Variants in PXDNL observed in about 807,000 individuals in gnomAD.
The protein encoded by PXDNL is peroxidasin like, also known as probable oxidoreductase PXDNL.
A neutral mutation model predicts 150.8 loss-of-function variants in PXDNL; 145 were observed. The observed-to-expected ratio is 0.96, with a 90% CI of 0.84 to 1.10. PXDNL has a LOEUF of 1.10. Ranked by LOEUF, PXDNL falls within the 50% of genes least tolerant of loss-of-function variation. The pLI is 0.00. For synonymous variants in PXDNL, 757 were observed against 725.7 expected, an observed-to-expected ratio of 1.04 and a Z score of -0.69; for missense variants, 2,087 against 1,873.9, an observed-to-expected ratio of 1.11 and a Z score of -2.10.
chr8:51,539,429 T>A (rs1282902847), intron 4 of PXDNL, among the ~76,000 whole-genome samples: 4 of 152,188 alleles, frequency 2.6e-5, no homozygotes, highest in Non-Finnish European at 1.5e-5. Flanking sequence ...TGTTGAAGGT[T>A]TTTCTTATGT....
intron 1 of PXDNL, among the ~76,000 whole-genome samples, chr8:51,658,344 GAAAA>G (rs34771782): frequency 1.1e-5 from 1 of 94,234 alleles, no homozygotes; most frequent in Non-Finnish European, 2.1e-5. Flanking sequence ...CCTGTCTCAA[GAAAA>G]AAAAAAAAAA....
Position 51,435,040 on chromosome 8 carries a change from C to T in PXDNL, c.1526-8282G>A, listed in dbSNP as rs115387768. On this transcript the variant is annotated intron_variant, in intron 12 of 22. Coordinates refer to ENST00000356297, the MANE Select transcript of PXDNL (RefSeq NM_144651.5). The stretch of plus-strand genomic sequence containing the variant: ...AACACACACAAGAGTCTTCATTGGC[C>T]GGATGCGATGGCTCAGGCCTGTAGT... 7.2e-3 allele frequency among the ~76,000 whole-genome samples: 1,092 copies of T among 152,246 alleles called. 17 individuals carry two copies. Among genetic ancestry groups the T allele is most frequent in the African/African-American group, 0.025 (1,048 of 41,556 alleles).
At position 51,411,233 on chromosome 8, in the gene PXDNL, A is replaced by C; in HGVS notation, c.2062+17T>G. 1 of 1,423,990 alleles carries C rather than the reference A, an allele frequency of 7.0e-7. No individual in the cohort carries two copies. The highest frequency in any genetic ancestry group is 9.2e-7 in the Non-Finnish European group (1 of 1,085,826). The allele number at this position is 1,423,990 out of a possible 1,614,324, so 88.2% of individuals were successfully genotyped here. A position where few individuals can be genotyped will look rare whatever the true frequency, so the allele number is the denominator to read the frequency against. ...CTGTGGGCAGTAGGCTGAGAATAAA[A>C]TGGCTTTGTGGCTGACCTTTGCCTT... On this transcript the variant is annotated intron_variant, in intron 16 of 22. Transcript: ENST00000356297.
intron 1 of PXDNL, among the ~76,000 whole-genome samples, chr8:51,655,300 C>T (rs557972644): frequency 1.4e-4 from 21 of 152,316 alleles, no homozygotes; most frequent in Admixed American, 9.2e-4. Context: ...CATTCTCTTT[C>T]ATGAGTCCAC....
intron 13 of PXDNL, 21 bp from the exon 14 acceptor site, chr8:51,423,752 G>T (rs1423279902): frequency 6.3e-7 from 1 of 1,599,250 alleles, no homozygotes; most frequent in Middle Eastern, 1.7e-4. Flanking sequence ...AAAAAGAGTT[G>T]CCACTGAATG....
intron 1 of PXDNL, among the ~76,000 whole-genome samples, chr8:51,657,270 G>C (rs1039668852): frequency 6.6e-6 from 1 of 152,100 alleles, no homozygotes; most frequent in Non-Finnish European, 1.5e-5. Context: ...TTGCACCATT[G>C]TAAGTCAACA....
chr8:51,392,099 T>A (rs1807928240), intron 17 of PXDNL, among the ~76,000 whole-genome samples: 1 of 152,226 alleles, frequency 6.6e-6, no homozygotes, highest in Non-Finnish European at 1.5e-5. Context: ...TTGATCTATA[T>A]CTCTGTTTTG....
chr8:51,479,792 T>C (rs1020686090), intron 6 of PXDNL, among the ~76,000 whole-genome samples: 10 of 152,118 alleles, frequency 6.6e-5, no homozygotes, highest in African/African-American at 2.4e-4. Context: ...ATGGTTACAC[T>C]AAAAACCCAG....
intron 1 of PXDNL, among the ~76,000 whole-genome samples, chr8:51,659,865 T>TTATG (rs1316182099): frequency 5.3e-4 from 60 of 113,750 alleles, no homozygotes; most frequent in Middle Eastern, 5.0e-3. Flanking sequence ...CAGTATTTAT[T>TTATG]TATTTATTTA....
chr8:51,739,280 C>A (rs1563305364), intron 1 of PXDNL, among the ~76,000 whole-genome samples: 1 of 151,988 alleles, frequency 6.6e-6, no homozygotes. Flanking sequence ...AAAAGTCCAA[C>A]AGTAAACAAT....
At chr8:51,438,663 C>T (rs1312936637) in intron 12 of PXDNL, among the ~76,000 whole-genome samples, 1 of 151,850 alleles carries the variant, frequency 6.6e-6, no homozygotes, top group Non-Finnish European at 1.5e-5. Flanking sequence ...TGCAGTGAGC[C>T]GAGATTGTGC....
intron 4 of PXDNL, among the ~76,000 whole-genome samples, chr8:51,513,267 C>T (rs949022127): frequency 1.3e-5 from 2 of 152,054 alleles, no homozygotes; most frequent in African/African-American, 2.4e-5. Flanking sequence ...GGCAGGGCCT[C>T]GGCATAAACA....
intron 1 of PXDNL, among the ~76,000 whole-genome samples, chr8:51,705,410 T>C (rs1050685695): frequency 5.3e-5 from 8 of 152,118 alleles, no homozygotes; most frequent in Non-Finnish European, 1.2e-4. Flanking sequence ...TCCAAGAAAT[T>C]AAATTAAGGA....
At chr8:51,694,631 G>A (rs1816076958) in intron 1 of PXDNL, among the ~76,000 whole-genome samples, 1 of 152,214 alleles carries the variant, frequency 6.6e-6, no homozygotes, top group South Asian at 2.1e-4. Context: ...TGAATTCTAA[G>A]CAAAGTCATC....
chr8:51,384,887 T>C (rs1807653447), intron 17 of PXDNL, among the ~76,000 whole-genome samples: 1 of 152,118 alleles, frequency 6.6e-6, no homozygotes, highest in South Asian at 2.1e-4. Context: ...TAATCATCTA[T>C]ACTTTGTTTT....
intron 3 of PXDNL, among the ~76,000 whole-genome samples, chr8:51,571,088 T>C (rs955895535): frequency 1.4e-5 from 2 of 139,492 alleles, no homozygotes; most frequent in Non-Finnish European, 3.0e-5. Flanking sequence ...ATATCAGTTC[T>C]TTTTTTTTGA....
chr8:51,463,689 G>A (rs1195374889), intron 8 of PXDNL, among the ~76,000 whole-genome samples: 1 of 152,116 alleles, frequency 6.6e-6, no homozygotes, highest in Non-Finnish European at 1.5e-5. Flanking sequence ...CATGGAAGAT[G>A]ACCATGTACT....
chr8:51,645,120 G>A (rs558708909), intron 2 of PXDNL, among the ~76,000 whole-genome samples: 24 of 152,224 alleles, frequency 1.6e-4, no homozygotes, highest in Non-Finnish European at 2.8e-4. Context: ...GCAGATTCCA[G>A]TTTTGAAGTC....
intron 1 of PXDNL, among the ~76,000 whole-genome samples, chr8:51,759,272 T>A (rs183112790): frequency 2.3e-3 from 349 of 152,270 alleles, no homozygotes; most frequent in African/African-American, 7.9e-3. Context: ...AGAATTCACA[T>A]CTCTGCTTGG....
Sources: gnomAD v4.1 joint callset for allele counts (sites outside exome capture counted in the v4.1 genomes callset) on GRCh38, gnomAD v4.1.1 for gene constraint, MANE v1.5 for transcripts, NCBI Gene and HGNC (gene_info 2026-07-23, HGNC 2026-07-21) for gene names.